The following SANBR variants were observed in gnomAD, a reference collection of about 807,000 sequenced individuals.
The protein encoded by SANBR is SANT and BTB domain regulator of class switch recombination.
Under a neutral mutation model 101.8 loss-of-function variants are expected in SANBR, and 77 were observed. The ratio of observed to expected loss-of-function variants is 0.76; its 90% CI spans 0.63 to 0.91. SANBR has a LOEUF of 0.91. Among genes scored for constraint, SANBR ranks in the 40% least tolerant of loss-of-function variants. SANBR has a pLI of 0.00. For synonymous variants in SANBR, 279 were observed against 274.7 expected (o/e 1.02, Z -0.15); for missense variants, 875 against 853.0 (o/e 1.03, Z -0.32).
intron 8 of SANBR, among the ~76,000 whole-genome samples, chr2:61,087,410 T>A (rs1211539283): frequency 1.2e-3 from 170 of 146,150 alleles, no homozygotes; most frequent in African/African-American, 3.2e-3. Flanking sequence ...TTTTTTTTTT[T>A]AATTAACTGA....
Position 61,088,140 on chromosome 2 carries a change from G to A in SANBR, c.891-19G>A, listed in dbSNP as rs773051582. ...AAGTAGTGTAGAAAATTAATATTTT[G>A]GTCATTTGTTGTTAATAGCAAACTT... On this transcript the variant is annotated intron_variant, in intron 8 of 21. Coordinates refer to ENST00000402291, the MANE Select transcript of SANBR (RefSeq NM_001129993.3). 2 of 1,367,304 alleles carry A rather than the reference G, an allele frequency of 1.5e-6. No homozygotes were observed. Among genetic ancestry groups the A allele is most frequent in the South Asian group, 2.5e-5 (2 of 80,694 alleles). The allele number at this position is 1,367,304 out of a possible 1,614,324, so 84.7% of individuals were successfully genotyped here. A position where few individuals can be genotyped will look rare whatever the true frequency, so the allele number is the denominator to read the frequency against.
chr2:61,088,362 T>C lies in SANBR; in HGVS notation c.982T>C (p.Cys328Arg). Reference sequence around the variant, plus strand: ...TTGTATCTTCTTTGTTTATAGATGCTGTTTGTGTAAGAAACTTTTAACAAA... The same window carrying C: ...TTGTATCTTCTTTGTTTATAGATGCCGTTTGTGTAAGAAACTTTTAACAAA... Reference protein sequence around the residue: ...RSNAATLYRCCLCKKLLTKET... With the variant: ...RSNAATLYRCRLCKKLLTKET... The change falls in exon 10 of 22, where the codon TGT becomes CGT. Residue 328 changes from cysteine (C) to arginine (R), a missense_variant. By Grantham distance (180) the Cys-to-Arg change is radical (BLOSUM62 -3). Transcript: ENST00000402291. 1 of 1,586,874 alleles carries C rather than the reference T, an allele frequency of 6.3e-7. No homozygotes were observed. The highest frequency in any genetic ancestry group is 8.6e-7 in the Non-Finnish European group (1 of 1,167,792).
intron 16 of SANBR, among the ~76,000 whole-genome samples, chr2:61,113,822 T>C (rs190724755): frequency 1.4e-4 from 22 of 152,336 alleles, no homozygotes; most frequent in African/African-American, 5.3e-4. Flanking sequence ...TTACCTTGTC[T>C]GATGGGGAAA....
At chr2:61,120,001 G>T (rs957045958) in intron 20 of SANBR, among the ~76,000 whole-genome samples, 4 of 152,084 alleles carry the variant, frequency 2.6e-5, no homozygotes, top group African/African-American at 9.7e-5. Context: ...TGAGGATGTG[G>T]AGCAACTGGA....
chr2:61,119,222 T>C (rs746115479), intron 20 of SANBR, among the ~76,000 whole-genome samples: 7 of 152,252 alleles, frequency 4.6e-5, no homozygotes, highest in African/African-American at 7.2e-5. Context: ...ATTGGTATTA[T>C]GTAAGTACCA....
At chr2:61,120,363 G>A (rs1205449025) in intron 20 of SANBR, among the ~76,000 whole-genome samples, 4 of 152,190 alleles carry the variant, frequency 2.6e-5, no homozygotes. Context: ...AGCTGGGCGT[G>A]GTGGTGCAGG....
intron 11 of SANBR, among the ~76,000 whole-genome samples, chr2:61,094,388 T>A (rs1682925984): frequency 6.6e-6 from 1 of 152,238 alleles, no homozygotes; most frequent in South Asian, 2.1e-4. Context: ...TTTAGCTTTT[T>A]GAATCTAGCT....
At chr2:61,106,837 G>T (rs147282802) in intron 14 of SANBR, among the ~76,000 whole-genome samples, 175 bp downstream of exon 14, 4 of 152,124 alleles carry the variant, frequency 2.6e-5, no homozygotes, top group Admixed American at 2.0e-4. Context: ...TGCCCTCAAA[G>T]AATTAATAAT....
At chr2:61,099,306 A>G (rs139762926) in intron 12 of SANBR, among the ~76,000 whole-genome samples, 1 of 152,236 alleles carries the variant, frequency 6.6e-6, no homozygotes, top group Non-Finnish European at 1.5e-5. Context: ...AAAGGAAGTT[A>G]TCATAGAGAG....
intron 21 of SANBR, 62 bp downstream of exon 21, chr2:61,121,338 T>C: frequency 9.0e-7 from 1 of 1,116,894 alleles, no homozygotes; most frequent in South Asian, 1.4e-5. Context: ...TTTTTTAAGA[T>C]AAATCATATG....
intron 12 of SANBR, among the ~76,000 whole-genome samples, chr2:61,103,316 CTT>C (rs1267984482): frequency 1.3e-5 from 2 of 151,520 alleles, no homozygotes; most frequent in Non-Finnish European, 2.9e-5. Flanking sequence ...TTTTTTCTTC[CTT>C]TTTAGAGACA....
rs781198094 is a variant in SANBR, at chr2:61,081,432, T to G, written c.671-20T>G. ...TGGGGTACCCATCAAAAGGGTAATCTAATTTTTTTTTTTTTTTAGAGCCAG... is the reference window on the plus strand; with the variant it reads ...TGGGGTACCCATCAAAAGGGTAATCGAATTTTTTTTTTTTTTTAGAGCCAG... On this transcript the variant is annotated intron_variant, in intron 6 of 21. Transcript: ENST00000402291. 5 of 1,570,862 alleles carry G rather than the reference T, an allele frequency of 3.2e-6. No homozygotes were observed. In the South Asian group the frequency reaches 5.9e-5, roughly 19 times the overall value.
chr2:61,099,774 C>T (rs1283604191), intron 12 of SANBR, among the ~76,000 whole-genome samples: 11 of 151,984 alleles, frequency 7.2e-5, no homozygotes, highest in Admixed American at 7.2e-4. Context: ...TCAGGGGCAG[C>T]CAGAATAATG....
chr2:61,134,578 T>G (rs1684788661), intron 21 of SANBR, among the ~76,000 whole-genome samples: 1 of 152,244 alleles, frequency 6.6e-6, no homozygotes, highest in South Asian at 2.1e-4. Context: ...TGACCAGCTC[T>G]TCTGCTCTAT....
chr2:61,135,343 G>A (rs770978795), intron 21 of SANBR, among the ~76,000 whole-genome samples: 1 of 152,190 alleles, frequency 6.6e-6, no homozygotes, highest in African/African-American at 2.4e-5. Context: ...AATACCATAA[G>A]TATATGTAGT....
intron 5 of SANBR, among the ~76,000 whole-genome samples, chr2:61,076,538 G>C (rs1681788621): frequency 2.0e-5 from 3 of 149,174 alleles, no homozygotes; most frequent in African/African-American, 7.4e-5. Context: ...TGAGGCAGGA[G>C]AATGGCATGA....
At chr2:61,106,775 AGAAGG>A in intron 14 of SANBR, 113 bp downstream of exon 14, 2 of 629,808 alleles carry the variant, frequency 3.2e-6, no homozygotes, top group Non-Finnish European at 5.4e-6. Context: ...CCTAATCATA[AGAAGG>A]TATTATGCCT....
chr2:61,074,286 T>G (rs1005072673), intron 5 of SANBR, among the ~76,000 whole-genome samples: 3 of 152,248 alleles, frequency 2.0e-5, no homozygotes, highest in Non-Finnish European at 4.4e-5. Flanking sequence ...TGAATATACT[T>G]AATGCCACTG....
chr2:61,081,399 G>T, intron 6 of SANBR, 53 bp from the exon 7 acceptor site: 1 of 1,529,512 alleles, frequency 6.5e-7, no homozygotes, highest in Non-Finnish European at 8.8e-7. Context: ...AGCCTGTTCA[G>T]AGGAGATTGG....
Sources: gnomAD v4.1 joint callset for allele counts (sites outside exome capture counted in the v4.1 genomes callset) on GRCh38, gnomAD v4.1.1 for gene constraint, MANE v1.5 for transcripts, NCBI Gene and HGNC (gene_info 2026-07-23, HGNC 2026-07-21) for gene names.